Variants in PLD5 observed in about 807,000 individuals in gnomAD.
The protein encoded by PLD5 is inactive phospholipase D5.
Under a neutral mutation model 61.1 loss-of-function variants are expected in PLD5, and 36 were observed. The observed-to-expected ratio is 0.59, with a 90% CI of 0.45 to 0.78. The LOEUF is 0.78. Ranked by LOEUF, PLD5 falls within the 30% of genes least tolerant of loss-of-function variation. The probability of loss-of-function intolerance (pLI) is 0.00; values close to 1 mark genes in which losing one functional copy is unlikely to be tolerated. For synonymous variants in PLD5, 243 were observed against 242.8 expected (o/e 1.00, Z -0.01); for missense variants, 515 against 644.4 (o/e 0.80, Z 2.17).
chr1:242,189,708 CAG>C (rs1681191800), intron 5 of PLD5, among the ~76,000 whole-genome samples: 2 of 152,270 alleles, frequency 1.3e-5, no homozygotes, highest in Admixed American at 6.5e-5. Flanking sequence ...GGTAATATGG[CAG>C]AGAGTGACTG....
rs865953257 is a variant in PLD5, at chr1:242,190,413, T to C, written c.735+29575A>G. ...CGCCCACCTCGGCCTCCCAAAGTGC[T>C]GGGATTACAGGCGTGAGCCACCGCG... On this transcript the variant is annotated intron_variant, in intron 5 of 9. Coordinates refer to ENST00000536534, the MANE Select transcript of PLD5 (RefSeq NM_001372062.1). Among the ~76,000 whole-genome samples, 6 of 151,742 alleles carry C rather than the reference T, an allele frequency of 4.0e-5. No individual in the cohort carries two copies. In the South Asian group the frequency reaches 1.0e-3, roughly 26 times the overall value.
chr1:242,149,490 A>G (rs924675606), intron 5 of PLD5, among the ~76,000 whole-genome samples: 5 of 151,416 alleles, frequency 3.3e-5, no homozygotes, highest in African/African-American at 1.2e-4. Context: ...TCATAAGATG[A>G]GTTGGAAAGT....
At position 242,256,446 on chromosome 1, in the gene PLD5, T is replaced by C. The variant is rs1268525659; in HGVS notation, c.607+8891A>G. On this transcript the variant is annotated intron_variant, in intron 4 of 9. Transcript: ENST00000536534. This position sits in a 1 kb window ranked among gnomAD's most constrained non-coding sequence, Gnocchi z 5.7. ...TGGCAGTATTAAGTGGTGGGGTCTT[T>C]GGAAAGTGACTGAGTCACGAATGTA... Among the ~76,000 whole-genome samples, 2 of 152,184 alleles carry C rather than the reference T, an allele frequency of 1.3e-5. No homozygotes were observed. The highest frequency in any genetic ancestry group is 2.9e-5 in the Non-Finnish European group (2 of 68,032).
chr1:242,085,599 C>T lies in PLD5; in HGVS notation c.*4255G>A, dbSNP rs1180382569. On this transcript the variant is annotated 3_prime_UTR_variant, in exon 10 of 10. Transcript: ENST00000536534. ...AAATTGGAAAATTTTTTACCTTGGGCCAAATGGAAGTTATATTAATTTTGC... is the reference window on the plus strand; with the variant it reads ...AAATTGGAAAATTTTTTACCTTGGGTCAAATGGAAGTTATATTAATTTTGC... 3 of 151,962 alleles carry T rather than the reference C, an allele frequency of 2.0e-5. No individual in the cohort carries two copies. In the East Asian group the frequency reaches 5.8e-4, roughly 29 times the overall value. The allele number at this position is 151,962 out of a possible 1,614,324, so 9.4% of individuals were successfully genotyped here.
chr1:242,295,644 T>C (rs1339573276), intron 2 of PLD5, among the ~76,000 whole-genome samples: 2 of 152,222 alleles, frequency 1.3e-5, no homozygotes, highest in African/African-American at 2.4e-5. Flanking sequence ...TTTTTCCCTT[T>C]GGGTAGATAC....
At chr1:242,163,334 G>C (rs1276908025) in intron 5 of PLD5, among the ~76,000 whole-genome samples, 1 of 151,838 alleles carries the variant, frequency 6.6e-6, no homozygotes, top group South Asian at 2.1e-4. Context: ...TAGCACAGAC[G>C]GGGTTTCACT....
intron 5 of PLD5, among the ~76,000 whole-genome samples, chr1:242,155,037 T>A (rs1305493278): frequency 6.6e-6 from 1 of 152,220 alleles, no homozygotes; most frequent in Non-Finnish European, 1.5e-5. Context: ...GTTATTGATC[T>A]ATTCAGGGAT....
rs542876020 is a variant in PLD5, at chr1:242,286,460, G to A, written c.495+1902C>T. Among the ~76,000 whole-genome samples, 51 of 152,346 alleles carry A rather than the reference G, an allele frequency of 3.3e-4. No homozygotes were observed. The Middle Eastern group carries it at 0.01, about 30-fold the overall frequency. ...AAGCACATCCTCCCTGTACCAGGGT[G>A]AGAAAATAGCCCTTATCACCAGAGA... is the stretch of plus-strand genomic sequence containing the variant. On this transcript the variant is annotated intron_variant, in intron 3 of 9. Coordinates refer to ENST00000536534, the MANE Select transcript of PLD5 (RefSeq NM_001372062.1).
At chr1:242,299,654 C>A (rs374399710) in intron 2 of PLD5, among the ~76,000 whole-genome samples, 146 of 152,326 alleles carry the variant, frequency 9.6e-4, no homozygotes, top group Middle Eastern at 3.4e-3. Context: ...GCATGAGGTC[C>A]ATGACAGTGA....
chr1:242,307,155 C>T (rs1478139663), intron 2 of PLD5, among the ~76,000 whole-genome samples: 1 of 152,158 alleles, frequency 6.6e-6, no homozygotes, highest in Non-Finnish European at 1.5e-5. Context: ...TAATAGCATG[C>T]AGTGCCATGA....
intron 1 of PLD5, among the ~76,000 whole-genome samples, chr1:242,494,626 C>T (rs1668302629): frequency 6.6e-6 from 1 of 152,128 alleles, no homozygotes; most frequent in African/African-American, 2.4e-5. Flanking sequence ...TGGATACTAC[C>T]TCAAACCCCA....
intron 4 of PLD5, among the ~76,000 whole-genome samples, chr1:242,247,679 G>T (rs1015144124): frequency 3.3e-5 from 5 of 152,100 alleles, no homozygotes; most frequent in African/African-American, 1.2e-4. Context: ...CAGGTTTTTT[G>T]GGGGTCCCCT....
Position 242,124,549 on chromosome 1 carries a change from G to A in PLD5, c.852C>T (p.Ser284=). Residue 284 remains serine (S), a synonymous_variant, in exon 6 of 10, where the codon TCC becomes TCT. Transcript: ENST00000536534. Reference sequence around the variant, plus strand: ...TGTCATAGACTCCATAGAGTCTTTTGGACCAGGTTTGAGGCACTCTGCTTT... The same window carrying A: ...TGTCATAGACTCCATAGAGTCTTTTAGACCAGGTTTGAGGCACTCTGCTTT... ...KFKSRVPQTW[S]KRLYGVYDNE... is the part of the protein sequence containing the mutation. The A allele has an allele frequency of 6.2e-7, 1 of 1,613,942 alleles. No individual in the cohort carries two copies. The highest frequency in any genetic ancestry group is 2.2e-5 in the East Asian group (1 of 44,860).
rs180797171 is a variant in PLD5 at position 242,457,900 on chromosome 1, C to T, written c.189+66188G>A. On this transcript the variant is annotated intron_variant, in intron 1 of 9. Coordinates refer to ENST00000536534, the MANE Select transcript of PLD5 (RefSeq NM_001372062.1). ...CAGGGATGGACGCTCCTATCGAGGT[C>T]TATGTTAATGACAGTATTTGGATGC... is the stretch of plus-strand genomic sequence containing the variant. Among the ~76,000 whole-genome samples the T allele has an allele frequency of 1.1e-3, 166 of 152,276 alleles. 1 individual carries two copies. Among genetic ancestry groups the T allele is most frequent in the African/African-American group, 3.9e-3 (161 of 41,564 alleles).
intron 4 of PLD5, among the ~76,000 whole-genome samples, chr1:242,264,863 T>C (rs1332108377): frequency 6.6e-6 from 1 of 152,224 alleles, no homozygotes; most frequent in African/African-American, 2.4e-5. Flanking sequence ...AGTGGCTATA[T>C]AAATGGTGTT....
At chr1:242,175,059 C>G (rs1025167315) in intron 5 of PLD5, among the ~76,000 whole-genome samples, 5 of 152,014 alleles carry the variant, frequency 3.3e-5, no homozygotes, top group Non-Finnish European at 4.4e-5. Flanking sequence ...AAAAACTATT[C>G]CAAACAATAG....
At chr1:242,480,309 T>A (rs879162800) in intron 1 of PLD5, among the ~76,000 whole-genome samples, 1 of 152,070 alleles carries the variant, frequency 6.6e-6, no homozygotes, top group Admixed American at 6.5e-5. Context: ...GATAGCAACA[T>A]GAAGAAAAGA....
chr1:242,355,357 TG>T (rs530351849), intron 1 of PLD5, among the ~76,000 whole-genome samples: 94 of 152,280 alleles, frequency 6.2e-4, no homozygotes, highest in African/African-American at 2.0e-3. Flanking sequence ...ATAGGTTGTA[TG>T]TGTCTAGAAA....
At chr1:242,133,014 C>G (rs146432348) in intron 5 of PLD5, among the ~76,000 whole-genome samples, 1 of 149,762 alleles carries the variant, frequency 6.7e-6, no homozygotes, top group East Asian at 2.0e-4. Context: ...CCCTCCCACT[C>G]CCCCCTCTCT....
Sources: gnomAD v4.1 joint callset for allele counts (sites outside exome capture counted in the v4.1 genomes callset) on GRCh38, gnomAD v4.1.1 for gene constraint, Gnocchi (gnomAD v3.1) non-coding constraint, MANE v1.5 for transcripts, NCBI Gene and HGNC (gene_info 2026-07-23, HGNC 2026-07-21) for gene names.